Variants in ADAMTS17 observed in about 807,000 individuals in gnomAD.
ADAMTS17 encodes ADAM metallopeptidase with thrombospondin type 1 motif 17.
A neutral mutation model predicts 141.5 loss-of-function variants in ADAMTS17; 113 were observed. The observed-to-expected ratio is 0.80, with a 90% CI of 0.69 to 0.93. The LOEUF (loss-of-function observed/expected upper bound fraction) is 0.93, where lower values mean the gene tolerates loss of function less well. Among genes scored for constraint, ADAMTS17 ranks in the 40% least tolerant of loss-of-function variants. ADAMTS17 has a pLI of 0.00. For synonymous variants in ADAMTS17, 768 were observed against 630.6 expected, an observed-to-expected ratio of 1.22 and a Z score of -3.27; for missense variants, 1,659 against 1,517.9, an observed-to-expected ratio of 1.09 and a Z score of -1.54.
chr15:100,216,761 C>G (rs2041980703), intron 7 of ADAMTS17, among the ~76,000 whole-genome samples: 1 of 152,340 alleles, frequency 6.6e-6, no homozygotes, highest in East Asian at 1.9e-4. Context: ...GCCCACCTAA[C>G]AATTCACCCC....
Position 99,997,627 on chromosome 15 carries a change from T to C in ADAMTS17, c.2592-38A>G, listed in dbSNP as rs1405561731. 1 of 1,610,916 alleles carries C rather than the reference T, an allele frequency of 6.2e-7. No homozygotes were observed. The highest frequency in any genetic ancestry group is 8.5e-7 in the Non-Finnish European group (1 of 1,179,406). On this transcript the variant is annotated intron_variant, in intron 18 of 21. Transcript: ENST00000268070. This position sits in a 1 kb window ranked among gnomAD's most constrained non-coding sequence, Gnocchi z 4.7. ...AGGAAAGAGAGAGAGAACGACTGGG[T>C]GAGAGGCCAGCCTCTCCGGAGGGCC... is the stretch of plus-strand genomic sequence containing the variant.
intron 4 of ADAMTS17, among the ~76,000 whole-genome samples, chr15:100,275,366 A>T (rs2044045913): frequency 6.6e-6 from 1 of 152,230 alleles, no homozygotes; most frequent in Non-Finnish European, 1.5e-5. Context: ...AATGCTGCCT[A>T]GTGACAAAGT....
intron 3 of ADAMTS17, among the ~76,000 whole-genome samples, chr15:100,311,914 T>C (rs796280802): frequency 6.6e-6 from 1 of 152,104 alleles, no homozygotes; most frequent in South Asian, 2.1e-4. Flanking sequence ...TGTGTTGCAG[T>C]AGACGGATCA....
At chr15:100,340,445 T>A (rs917679447) in intron 2 of ADAMTS17, among the ~76,000 whole-genome samples, 1 of 152,036 alleles carries the variant, frequency 6.6e-6, no homozygotes, top group Admixed American at 6.5e-5. Context: ...CTACTAATAG[T>A]ATAAGGAAGC....
At chr15:100,051,775 AG>A (rs2032167729) in intron 16 of ADAMTS17, 44 bp from the exon 17 acceptor site, 2 of 1,613,506 alleles carry the variant, frequency 1.2e-6, no homozygotes, top group South Asian at 2.2e-5. Context: ...AAAGGAAGGA[AG>A]GCCCGTGGGA....
chr15:100,095,496 G>A (rs952691106), intron 15 of ADAMTS17, among the ~76,000 whole-genome samples: 3 of 152,256 alleles, frequency 2.0e-5, no homozygotes, highest in African/African-American at 4.8e-5. Context: ...CTTGTTGGGG[G>A]AAAATGAACT....
Position 99,974,467 on chromosome 15 carries a change from G to C in ADAMTS17, c.3223C>G (p.Arg1075Gly). The stretch of plus-strand genomic sequence containing the variant: ...AAGTCCCTGCAGGTCTGGCAGCAGC[G>C]CTGGTACCACCGCATGTCCTGGCAG... ...NLCQDMRWYQ[R>G]CCQTCRDFYA... Residue 1075 changes from arginine (R) to glycine (G), a missense_variant, in exon 22 of 22, where the codon CGC becomes GGC. By Grantham distance (125) the Arg-to-Gly change is moderately radical. Transcript: ENST00000268070. The C allele has an allele frequency of 6.2e-7, 1 of 1,614,224 alleles. No homozygotes were observed. Among genetic ancestry groups the C allele is most frequent in the East Asian group, 2.2e-5 (1 of 44,884 alleles).
At chr15:100,178,158 G>C (rs1338221574) in intron 8 of ADAMTS17, among the ~76,000 whole-genome samples, 2 of 152,048 alleles carry the variant, frequency 1.3e-5, no homozygotes, top group Non-Finnish European at 1.5e-5. Flanking sequence ...TATTTTTTTA[G>C]ATCATTGAAA....
At chr15:100,103,478 A>G (rs1055127561) in intron 14 of ADAMTS17, among the ~76,000 whole-genome samples, 1 of 152,216 alleles carries the variant, frequency 6.6e-6, no homozygotes, top group Non-Finnish European at 1.5e-5. Context: ...TAGGAGGCCA[A>G]TAAATTCTTG....
chr15:100,016,451 A>G (rs887404474), intron 18 of ADAMTS17, among the ~76,000 whole-genome samples: 1 of 152,174 alleles, frequency 6.6e-6, no homozygotes, highest in Non-Finnish European at 1.5e-5. Context: ...GTTTTGTCAT[A>G]TTACCAGAGT....
intron 7 of ADAMTS17, among the ~76,000 whole-genome samples, chr15:100,231,136 T>A (rs116988815): frequency 0.014 from 2,200 of 152,340 alleles, 23 homozygotes; most frequent in Middle Eastern, 0.041. Context: ...TCAGGGAATT[T>A]AAGTACTTTG....
In ADAMTS17 at chr15:100,029,057, T is replaced by C. The variant is rs186750184; in HGVS notation, c.2591+19800A>G. Among the ~76,000 whole-genome samples, 376 of 152,308 alleles carry C rather than the reference T, an allele frequency of 2.5e-3. 1 individual carries two copies. The highest frequency in any genetic ancestry group is 0.016 in the Admixed American group (243 of 15,302). ...GCTCCAAACTGTTTCCTCCCTCCCA[T>C]TGCTGCATGCCTCAGTGCACTTGGG... On this transcript the variant is annotated intron_variant, in intron 18 of 21. Coordinates refer to ENST00000268070, the MANE Select transcript of ADAMTS17 (RefSeq NM_139057.4).
At chr15:100,090,718 A>G (rs1427136417) in intron 15 of ADAMTS17, among the ~76,000 whole-genome samples, 2 of 152,166 alleles carry the variant, frequency 1.3e-5, no homozygotes, top group African/African-American at 4.8e-5. Flanking sequence ...CATGATAAAA[A>G]GGAAACCAGC....
intron 3 of ADAMTS17, among the ~76,000 whole-genome samples, chr15:100,307,065 T>C (rs952761095): frequency 3.9e-5 from 6 of 152,170 alleles, no homozygotes; most frequent in African/African-American, 9.7e-5. Context: ...AAGGCAAAGA[T>C]TGACAAAATT....
chr15:100,081,381 CACT>C (rs779139509), intron 15 of ADAMTS17, among the ~76,000 whole-genome samples: 4 of 152,182 alleles, frequency 2.6e-5, no homozygotes, highest in Non-Finnish European at 5.9e-5. Context: ...CATACACACA[CACT>C]ACTTAATAAA....
intron 10 of ADAMTS17, among the ~76,000 whole-genome samples, chr15:100,145,450 G>C (rs976257349): frequency 6.6e-6 from 1 of 152,198 alleles, no homozygotes; most frequent in African/African-American, 2.4e-5. Flanking sequence ...ACATTGGTTT[G>C]AAGAATACTG....
intron 7 of ADAMTS17, among the ~76,000 whole-genome samples, chr15:100,221,496 A>G (rs1018647116): frequency 7.9e-5 from 12 of 152,202 alleles, no homozygotes; most frequent in African/African-American, 2.9e-4. Context: ...TTATGCTATA[A>G]TACCTATTGT....
chr15:100,200,206 G>A (rs975319590), intron 7 of ADAMTS17, among the ~76,000 whole-genome samples: 22 of 152,228 alleles, frequency 1.4e-4, no homozygotes, highest in African/African-American at 5.3e-4. Flanking sequence ...ACGCAATGCA[G>A]GGCAGTGGAG....
At chr15:100,116,115 A>G (rs1025831737) in intron 13 of ADAMTS17, among the ~76,000 whole-genome samples, 9 of 147,746 alleles carry the variant, frequency 6.1e-5, no homozygotes, top group African/African-American at 2.0e-4. Context: ...TGTTTCCTAA[A>G]GAAGAACAGT....
Sources: gnomAD v4.1 joint callset for allele counts (sites outside exome capture counted in the v4.1 genomes callset) on GRCh38, gnomAD v4.1.1 for gene constraint, Gnocchi (gnomAD v3.1) non-coding constraint, MANE v1.5 for transcripts, NCBI Gene and HGNC (gene_info 2026-07-23, HGNC 2026-07-21) for gene names.